The following FHIT variants were observed in gnomAD, a reference collection of about 807,000 sequenced individuals.
The protein encoded by FHIT is fragile histidine triad diadenosine triphosphatase.
A neutral mutation model predicts 17.9 loss-of-function variants in FHIT; 19 were observed. The ratio of observed to expected loss-of-function variants is 1.06; its 90% CI spans 0.74 to 1.56. The LOEUF (loss-of-function observed/expected upper bound fraction) is 1.56, where lower values mean the gene tolerates loss of function less well. Ranked by LOEUF, FHIT falls within the 40% of genes most tolerant of loss-of-function variation. The probability of loss-of-function intolerance (pLI) is 0.00; values close to 1 mark genes in which losing one functional copy is unlikely to be tolerated. For missense variants in FHIT, 248 were observed against 189.2 expected (o/e 1.31, Z -1.82); for synonymous variants, 81 against 69.7 (o/e 1.16, Z -0.81).
intron 8 of FHIT, among the ~76,000 whole-genome samples, chr3:59,773,474 G>A (rs919717601): frequency 2.2e-4 from 33 of 152,192 alleles, no homozygotes; most frequent in Admixed American, 2.1e-3. Flanking sequence ...GTGGTTGCAT[G>A]CTTTGACTCA....
chr3:60,824,627 C>A (rs1263821431), intron 3 of FHIT, among the ~76,000 whole-genome samples: 2 of 152,162 alleles, frequency 1.3e-5, no homozygotes, highest in Non-Finnish European at 2.9e-5. Flanking sequence ...CAAGTCTCAC[C>A]TTGAATTGTA....
rs1559916395 is a variant in FHIT at position 60,441,793 on chromosome 3, T to TATATTTATATATATAAAATATATATAA, written c.103+95066_103+95067insTTATATATATTTTATATATATAAATAT. ...ATTTATATGTATAAAAATATATATA[T>TATATTTATATATATAAAATATATATAA]ATATATATATATATATATATATCAG... On this transcript the variant is annotated intron_variant, in intron 5 of 9. Coordinates refer to ENST00000492590, the MANE Select transcript of FHIT (RefSeq NM_002012.4). Among the ~76,000 whole-genome samples, 74 of 111,128 alleles carry TATATTTATATATATAAAATATATATAA rather than the reference T, an allele frequency of 6.7e-4. 2 individuals carry two copies. Among genetic ancestry groups the TATATTTATATATATAAAATATATATAA allele is most frequent in the South Asian group, 5.1e-3 (11 of 2,166 alleles). 72.9% of individuals were successfully genotyped at this position (111,128 alleles called of 152,430 possible).
At chr3:60,127,099 G>A (rs1488591679) in intron 5 of FHIT, among the ~76,000 whole-genome samples, 1 of 152,068 alleles carries the variant, frequency 6.6e-6, no homozygotes, top group Admixed American at 6.6e-5. Flanking sequence ...GCTTCTACTT[G>A]TGCAATCTCC....
At chr3:60,528,786 G>A (rs371551625) in intron 5 of FHIT, among the ~76,000 whole-genome samples, 5 of 151,952 alleles carry the variant, frequency 3.3e-5, no homozygotes, top group Non-Finnish European at 7.4e-5. Context: ...TTACCCTTGC[G>A]TGCTGCTCAC....
At chr3:60,182,097 G>A (rs754617482) in intron 5 of FHIT, among the ~76,000 whole-genome samples, 7 of 152,184 alleles carry the variant, frequency 4.6e-5, no homozygotes, top group African/African-American at 1.7e-4. Flanking sequence ...CTTCTAGGCT[G>A]TTGCCATGGC....
At chr3:61,031,046 T>G (rs1439554773) in intron 3 of FHIT, among the ~76,000 whole-genome samples, 1 of 152,206 alleles carries the variant, frequency 6.6e-6, no homozygotes. Flanking sequence ...GTCCTTGCAG[T>G]GTTTTGAGCA....
At chr3:60,858,470 G>A (rs1300244495) in intron 3 of FHIT, among the ~76,000 whole-genome samples, 5 of 152,150 alleles carry the variant, frequency 3.3e-5, no homozygotes, top group East Asian at 3.9e-4. Context: ...CCAGGAAACC[G>A]CTGCACTTTC....
intron 7 of FHIT, among the ~76,000 whole-genome samples, chr3:59,957,583 T>G (rs1692321140): frequency 2.0e-5 from 3 of 152,242 alleles, no homozygotes; most frequent in Admixed American, 2.0e-4. Context: ...TTGACTCCTA[T>G]TCCTGAAATA....
At chr3:60,918,831 A>C (rs1553767653) in intron 3 of FHIT, among the ~76,000 whole-genome samples, 2 of 152,240 alleles carry the variant, frequency 1.3e-5, no homozygotes, top group Non-Finnish European at 2.9e-5. Flanking sequence ...ATTCAGCATT[A>C]ATTGTTAAAC....
intron 8 of FHIT, among the ~76,000 whole-genome samples, chr3:59,909,887 G>A (rs915885480): frequency 5.9e-5 from 9 of 152,188 alleles, no homozygotes; most frequent in African/African-American, 1.9e-4. Flanking sequence ...GGAAATGCAA[G>A]AGAATATGAA....
At position 59,861,866 on chromosome 3, in the gene FHIT, G is replaced by T. The variant is rs151328459; in HGVS notation, c.348+60480C>A. ...GAACATGAAACATGGTATTCAGAAGGAAAAAAAAATAGTCAAATATATTTT... is the reference window on the plus strand; with the variant it reads ...GAACATGAAACATGGTATTCAGAAGTAAAAAAAAATAGTCAAATATATTTT... On this transcript the variant is annotated intron_variant, in intron 8 of 9. Transcript: ENST00000492590. Among the ~76,000 whole-genome samples, 833 of 150,516 alleles carry T rather than the reference G, an allele frequency of 5.5e-3. 10 individuals are homozygous for T. The highest frequency in any genetic ancestry group is 0.018 in the African/African-American group (754 of 41,150).
At chr3:59,913,909 A>G (rs1705006357) in intron 8 of FHIT, among the ~76,000 whole-genome samples, 1 of 152,236 alleles carries the variant, frequency 6.6e-6, no homozygotes, top group African/African-American at 2.4e-5. Flanking sequence ...TTGATTAGAA[A>G]GAAAATCTGG....
At chr3:59,930,504 A>G (rs1705916312) in intron 7 of FHIT, among the ~76,000 whole-genome samples, 1 of 152,284 alleles carries the variant, frequency 6.6e-6, no homozygotes, top group African/African-American at 2.4e-5. Context: ...AGCTTCCAGA[A>G]CAAGCCTGGT....
chr3:60,233,051 G>A (rs549761052), intron 5 of FHIT, among the ~76,000 whole-genome samples: 2 of 152,122 alleles, frequency 1.3e-5, no homozygotes, highest in Non-Finnish European at 2.9e-5. Context: ...GGGTGCAGCT[G>A]GAGAGAAGGG....
At chr3:61,130,803 C>A (rs528930278) in intron 2 of FHIT, among the ~76,000 whole-genome samples, 4 of 152,146 alleles carry the variant, frequency 2.6e-5, no homozygotes, top group South Asian at 2.1e-4. Context: ...TGAGTACAGA[C>A]GAAAAGAACC....
rs966928632 is a variant in FHIT, at chr3:60,752,688, G to A, written c.-18+69231C>T. Among the ~76,000 whole-genome samples, 10 of 152,254 alleles carry A rather than the reference G, an allele frequency of 6.6e-5. 1 individual carries two copies. In the Middle Eastern group the frequency reaches 0.014, roughly 207 times the overall value. On this transcript the variant is annotated intron_variant, in intron 4 of 9. Coordinates refer to ENST00000492590, the MANE Select transcript of FHIT (RefSeq NM_002012.4). ...AATCATGAGTGTTTGCTGTTGGAGC[G>A]CTTGGTGTAAGGCATGTGTGTCCTA...
chr3:60,125,899 A>T (rs993986755), intron 5 of FHIT, among the ~76,000 whole-genome samples: 1 of 152,142 alleles, frequency 6.6e-6, no homozygotes, highest in African/African-American at 2.4e-5. Flanking sequence ...AGAACAGTTT[A>T]TTGAGAGGCC....
At chr3:59,761,985 A>G (rs1490379541) in intron 8 of FHIT, among the ~76,000 whole-genome samples, 3 of 152,090 alleles carry the variant, frequency 2.0e-5, no homozygotes, top group South Asian at 4.1e-4. Context: ...TCTTTTTGGC[A>G]TATCTGAATT....
chr3:59,922,572 A>C (rs920612612), intron 7 of FHIT, among the ~76,000 whole-genome samples, 158 bp from the exon 8 acceptor site: 23 of 152,182 alleles, frequency 1.5e-4, no homozygotes, highest in African/African-American at 5.5e-4. Flanking sequence ...TATACCTGAA[A>C]TCTGCCGAGA....
Sources: allele counts gnomAD v4.1 joint callset (sites outside exome capture counted in the v4.1 genomes callset), GRCh38; gene constraint gnomAD v4.1.1; transcripts MANE v1.5; gene names NCBI Gene and HGNC (gene_info 2026-07-23, HGNC 2026-07-21).